Variants in NRXN1 observed in about 807,000 individuals in gnomAD.
NRXN1 encodes the protein neurexin-1.
In NRXN1, 39 loss-of-function variants were observed where a neutral mutation model predicts 150.9. The observed-to-expected ratio is 0.26, with a 90% CI of 0.20 to 0.34. NRXN1 has a LOEUF of 0.34. Ranked by LOEUF, NRXN1 falls within the 10% of genes least tolerant of loss-of-function variation. NRXN1 has a pLI of 1.00. For synonymous variants in NRXN1, 924 were observed against 757.0 expected, an observed-to-expected ratio of 1.22 and a Z score of -3.62; for missense variants, 1,815 against 1,949.9, an observed-to-expected ratio of 0.93 and a Z score of 1.30.
At position 50,535,146 on chromosome 2, in the gene NRXN1, G is replaced by A. The variant is rs114094588; in HGVS notation, c.2143+3107C>T. Among the ~76,000 whole-genome samples, 707 of 152,302 alleles carry A rather than the reference G, an allele frequency of 4.6e-3. 3 individuals carry two copies. Among genetic ancestry groups the A allele is most frequent in the African/African-American group, 0.016 (647 of 41,572 alleles). Reference sequence around the variant, plus strand: ...AAAATGCACAGGGTTGTAGTCTAGAGTTGCCAAATAAATGGTAAACAACAT... The same window carrying A: ...AAAATGCACAGGGTTGTAGTCTAGAATTGCCAAATAAATGGTAAACAACAT... On this transcript the variant is annotated intron_variant, in intron 10 of 22. Coordinates refer to ENST00000401669, the MANE Select transcript of NRXN1 (RefSeq NM_001330078.2).
At chr2:50,648,300 C>A (rs1685111539) in intron 5 of NRXN1, among the ~76,000 whole-genome samples, 1 of 151,920 alleles carries the variant, frequency 6.6e-6, no homozygotes, top group Non-Finnish European at 1.5e-5. Flanking sequence ...CAGATGAGAT[C>A]ATTAGGAGAA....
At chr2:50,250,227 C>G (rs995679488) in intron 17 of NRXN1, among the ~76,000 whole-genome samples, 2 of 152,014 alleles carry the variant, frequency 1.3e-5, no homozygotes, top group African/African-American at 4.8e-5. Flanking sequence ...ACAAACCAAC[C>G]CTGTACTTCA....
At chr2:50,831,372 G>C (rs906608468) in intron 5 of NRXN1, among the ~76,000 whole-genome samples, 1 of 152,040 alleles carries the variant, frequency 6.6e-6, no homozygotes, top group African/African-American at 2.4e-5. Flanking sequence ...TAAAATAATT[G>C]GGAAATTTTA....
At chr2:50,028,688 T>C (rs761384949) in intron 21 of NRXN1, among the ~76,000 whole-genome samples, 10 of 152,244 alleles carry the variant, frequency 6.6e-5, no homozygotes, top group Non-Finnish European at 1.5e-4. Flanking sequence ...AGCCATCAAA[T>C]ATAACAATAT....
chr2:50,686,238 C>G (rs1691215264), intron 5 of NRXN1, among the ~76,000 whole-genome samples: 1 of 152,010 alleles, frequency 6.6e-6, no homozygotes, highest in Admixed American at 6.6e-5. Flanking sequence ...TTTTATTTGG[C>G]AAACATAGTA....
intron 5 of NRXN1, among the ~76,000 whole-genome samples, chr2:50,626,870 T>C (rs926200071): frequency 4.6e-5 from 7 of 151,782 alleles, no homozygotes; most frequent in Non-Finnish European, 1.0e-4. Flanking sequence ...ATCCAGAATA[T>C]GCCAAGCACC....
intron 5 of NRXN1, among the ~76,000 whole-genome samples, chr2:50,825,358 C>T (rs115225405): frequency 6.6e-6 from 1 of 152,242 alleles, no homozygotes; most frequent in Non-Finnish European, 1.5e-5. Context: ...GAATGGGGGC[C>T]AGTCACCAAG....
At chr2:50,888,771 G>C (rs1680636077) in intron 5 of NRXN1, among the ~76,000 whole-genome samples, 1 of 151,622 alleles carries the variant, frequency 6.6e-6, no homozygotes, top group South Asian at 2.1e-4. Context: ...TACTCAATTT[G>C]AATTCTGTGG....
intron 17 of NRXN1, among the ~76,000 whole-genome samples, chr2:50,273,207 G>A (rs1362650711): frequency 3.3e-5 from 5 of 152,092 alleles, no homozygotes; most frequent in African/African-American, 4.8e-5. Context: ...TACATTGGAG[G>A]AAAATTTGGC....
chr2:50,365,975 T>C (rs1379730965), intron 17 of NRXN1, among the ~76,000 whole-genome samples: 1 of 151,984 alleles, frequency 6.6e-6, no homozygotes, highest in Non-Finnish European at 1.5e-5. Context: ...GGAATATAAT[T>C]TGTCCATTAC....
chr2:50,807,705 G>T (rs1306374402), intron 5 of NRXN1, among the ~76,000 whole-genome samples: 1 of 152,054 alleles, frequency 6.6e-6, no homozygotes, highest in Non-Finnish European at 1.5e-5. Flanking sequence ...CAATGATTCT[G>T]CTTATCTTGG....
chr2:49,950,818 C>A (rs1188843987), intron 21 of NRXN1, among the ~76,000 whole-genome samples: 1 of 151,924 alleles, frequency 6.6e-6, no homozygotes, highest in Non-Finnish European at 1.5e-5. Flanking sequence ...AATGTGTGAA[C>A]ACTGGCTTTC....
At chr2:50,958,188 G>A (rs893838350) in intron 2 of NRXN1, among the ~76,000 whole-genome samples, 6 of 152,088 alleles carry the variant, frequency 3.9e-5, no homozygotes, top group Non-Finnish European at 8.8e-5. Context: ...AGAAAGTGTG[G>A]TCAAGGGAAC....
intron 17 of NRXN1, among the ~76,000 whole-genome samples, chr2:50,421,999 C>T (rs377514915): frequency 1.2e-3 from 177 of 152,204 alleles, no homozygotes; most frequent in African/African-American, 3.9e-3. Flanking sequence ...CCTTCATATA[C>T]GCTTTCAGGT....
intron 17 of NRXN1, among the ~76,000 whole-genome samples, chr2:50,392,914 T>TC (rs2103834322): frequency 6.6e-6 from 1 of 151,904 alleles, no homozygotes; most frequent in Admixed American, 6.6e-5. Context: ...AGCCCAGGAG[T>TC]CCAAGACCAG....
chr2:50,647,126 T>C (rs1684939282), intron 5 of NRXN1, among the ~76,000 whole-genome samples: 1 of 151,768 alleles, frequency 6.6e-6, no homozygotes, highest in South Asian at 2.1e-4. Context: ...ACAAACTGTA[T>C]CTCTCAAACA....
intron 18 of NRXN1, among the ~76,000 whole-genome samples, chr2:50,100,990 T>C (rs1390427378): frequency 6.6e-6 from 1 of 152,090 alleles, no homozygotes; most frequent in Admixed American, 6.6e-5. Flanking sequence ...TCTGGCATCA[T>C]AACAAATACT....
intron 17 of NRXN1, among the ~76,000 whole-genome samples, chr2:50,313,016 ATAAGT>A (rs2152965918): frequency 6.6e-6 from 1 of 152,210 alleles, no homozygotes; most frequent in South Asian, 2.1e-4. Context: ...ATATCAAGAA[ATAAGT>A]TAAAGTATAT....
chr2:50,986,187 T>C (rs1240658052), intron 2 of NRXN1, among the ~76,000 whole-genome samples: 2 of 151,616 alleles, frequency 1.3e-5, no homozygotes, highest in East Asian at 1.9e-4. Context: ...AAGCAAAACA[T>C]AGTAATATTA....
Sources: gnomAD v4.1 joint callset for allele counts (sites outside exome capture counted in the v4.1 genomes callset) on GRCh38, gnomAD v4.1.1 for gene constraint, MANE v1.5 for transcripts, NCBI Gene and HGNC (gene_info 2026-07-23, HGNC 2026-07-21) for gene names.